SERPINA10: variants seen among roughly 807,000 people sequenced by gnomAD.
The protein encoded by SERPINA10 is serpin family A member 10.
A neutral mutation model predicts 28.0 loss-of-function variants in SERPINA10; 24 were observed. The ratio of observed to expected loss-of-function variants is 0.86; its 90% confidence interval spans 0.62 to 1.20. The LOEUF (loss-of-function observed/expected upper bound fraction) is 1.20, where lower values mean the gene tolerates loss of function less well. SERPINA10 is among the 50% of genes most tolerant of loss of function. The pLI, the probability that SERPINA10 is intolerant of heterozygous loss-of-function variation, is 0.00. For synonymous variants in SERPINA10, 207 were observed against 203.9 expected, an observed-to-expected ratio of 1.02 and a Z score of -0.13; for missense variants, 521 against 537.7, an observed-to-expected ratio of 0.97 and a Z score of 0.31.
chr14:94,290,057 G>A lies in SERPINA10; in HGVS notation c.537C>T (p.Phe179=), dbSNP rs758359566. 6.2e-7 allele frequency: 1 copy of A among 1,614,210 alleles called. No homozygotes were observed. The highest frequency in any genetic ancestry group is 8.5e-7 in the Non-Finnish European group (1 of 1,180,024). ...HKDFDVKETF[F]NLSKRYFDTE... ...TATCAAAATACCTCTTGGATAAATT[G>A]AAGAAAGTCTCTTTGACATCAAAAT... The change falls in exon 2 of 5, where the codon TTC becomes TTT. Residue 179 remains phenylalanine, a synonymous_variant. Coordinates refer to ENST00000261994, the MANE Select transcript of SERPINA10 (RefSeq NM_001100607.3).
At chr14:94,290,885 C>T (rs1244614104) in intron 1 of SERPINA10, among the ~76,000 whole-genome samples, 1 of 152,150 alleles carries the variant, frequency 6.6e-6, no homozygotes, top group Non-Finnish European at 1.5e-5. Context: ...TCAGTCCTGA[C>T]CCCGTTTTCA....
chr14:94,288,158 C>T, intron 3 of SERPINA10, 128 bp downstream of exon 3: 3 of 1,291,016 alleles, frequency 2.3e-6, no homozygotes, highest in Non-Finnish European at 3.3e-6. Context: ...ACAAATGCTG[C>T]CCTGCCTTCA....
intron 1 of SERPINA10, among the ~76,000 whole-genome samples, chr14:94,291,593 C>T (rs1895180110): frequency 6.6e-6 from 1 of 152,208 alleles, no homozygotes. Flanking sequence ...GGGCAGAACC[C>T]CTGGGACACC....
intron 3 of SERPINA10, among the ~76,000 whole-genome samples, chr14:94,286,776 ATTTTT>A (rs918382951): frequency 6.6e-6 from 1 of 152,160 alleles, no homozygotes; most frequent in Non-Finnish European, 1.5e-5. Context: ...TCAAAATAAA[ATTTTT>A]TTATTTATTT....
At position 94,280,998 on chromosome 14, in the gene SERPINA10, A is replaced by G. The variant is rs1894885156; in HGVS notation, c.*2967T>C. On this transcript the variant is annotated 3_prime_UTR_variant, in exon 5 of 5. Transcript: ENST00000261994. ...GATATATGAGAAATCTTTGAATTGAAATGAAACAGGCTCTTCAGCTGGAGT... is the reference window on the plus strand; with the variant it reads ...GATATATGAGAAATCTTTGAATTGAGATGAAACAGGCTCTTCAGCTGGAGT... The G allele has an allele frequency of 2.6e-5, 4 of 152,228 alleles. No individual in the cohort carries two copies. Among genetic ancestry groups the G allele is most frequent in the Admixed American group, 1.3e-4 (2 of 15,286 alleles). The allele number at this position is 152,228 out of a possible 1,614,324, so 9.4% of individuals were successfully genotyped here.
rs1202382071 is a variant in SERPINA10 at position 94,282,072 on chromosome 14, C to G, written c.*1893G>C. ...GAATTGCCTGTCCCTTCATAAGTGT[C>G]AATTAGTACTCTTGGAATGAATACA... is the stretch of plus-strand genomic sequence containing the variant. On this transcript the variant is annotated 3_prime_UTR_variant, in exon 5 of 5. Transcript: ENST00000261994. 6.6e-6 allele frequency: 1 copy of G among 152,298 alleles called. No individual in the cohort carries two copies. Among genetic ancestry groups the G allele is most frequent in the Non-Finnish European group, 1.5e-5 (1 of 67,984 alleles). 9.4% of individuals were successfully genotyped at this position (152,298 alleles called of 1,614,324 possible). A position where few individuals can be genotyped will look rare whatever the true frequency, so the allele number is the denominator to read the frequency against.
In SERPINA10 at chr14:94,290,623, T is replaced by G; in HGVS notation, c.-30A>C. ...TCGGCTGCGGAGGCCAAGGAGTGCC[T>G]CCCTTCAGCTGCAAGACTTCCTGTG... On this transcript the variant is annotated 5_prime_UTR_variant, in exon 2 of 5. Coordinates refer to ENST00000261994, the MANE Select transcript of SERPINA10 (RefSeq NM_001100607.3). 1 of 1,610,680 alleles carries G rather than the reference T, an allele frequency of 6.2e-7. No individual in the cohort carries two copies. The highest frequency in any genetic ancestry group is 8.5e-7 in the Non-Finnish European group (1 of 1,179,182).
intron 2 of SERPINA10, 116 bp from the exon 3 acceptor site, chr14:94,288,675 G>C: frequency 7.3e-7 from 1 of 1,377,306 alleles, no homozygotes; most frequent in Non-Finnish European, 1.0e-6. Context: ...TCGTCTTCTC[G>C]TTCCAACTAG....
At chr14:94,288,967 C>T (rs1159207995) in intron 2 of SERPINA10, among the ~76,000 whole-genome samples, 1 of 152,234 alleles carries the variant, frequency 6.6e-6, no homozygotes, top group Non-Finnish European at 1.5e-5. Flanking sequence ...GTCTCATTCA[C>T]ACCAGGCACA....
intron 3 of SERPINA10, 58 bp downstream of exon 3, chr14:94,288,228 T>C: frequency 6.2e-7 from 1 of 1,606,042 alleles, no homozygotes; most frequent in Non-Finnish European, 8.5e-7. Context: ...GAAATTGTGC[T>C]GAGCGTTTGC....
In SERPINA10 at chr14:94,284,121, C is replaced by G. The variant is rs375617298; in HGVS notation, c.1179G>C (p.Arg393Ser). 8.1e-6 allele frequency: 13 copies of G among 1,614,158 alleles called. No homozygotes were observed. The South Asian group carries it at 8.8e-5, about 11-fold the overall frequency. Residue 393 changes from arginine (R) to serine (S), a missense_variant, in exon 5 of 5, where the codon AGG becomes AGC. Physicochemically the swap from Arg to Ser is moderately radical, Grantham distance 110. Transcript: ENST00000261994. ...LQRTVIEVDERGTEAVAGILS... is the reference protein window; with the variant it reads ...LQRTVIEVDESGTEAVAGILS... ...AGATTCCTGCCACTGCCTCAGTGCC[C>G]CTTTCATCAACTTCAATCACTGTTC...
chr14:94,287,258 C>T, intron 3 of SERPINA10, among the ~76,000 whole-genome samples: 1 of 152,198 alleles, frequency 6.6e-6, no homozygotes, highest in East Asian at 1.9e-4. Flanking sequence ...ATAGATATTT[C>T]TGATCCAAGT....
chr14:94,289,939 T>G lies in SERPINA10; in HGVS notation c.655A>C (p.Lys219Gln). The change falls in exon 2 of 5, where the codon AAA becomes CAA. Residue 219 changes from lysine (K) to glutamine (Q), a missense_variant. Coordinates refer to ENST00000261994, the MANE Select transcript of SERPINA10 (RefSeq NM_001100607.3). ...TCAGGATTAATCTCATCAAACAGTT[T>G]GGGAATTTTCCCCCGAGTCTCTTTG... ...INKETRGKIP[K>Q]LFDEINPETK... 1 of 1,614,188 alleles carries G rather than the reference T, an allele frequency of 6.2e-7. No homozygotes were observed. Among genetic ancestry groups the G allele is most frequent in the Non-Finnish European group, 8.5e-7 (1 of 1,180,010 alleles).
Position 94,290,605 on chromosome 14 carries a change from C to T in SERPINA10, c.-12G>A, listed in dbSNP as rs201684309. 63 of 1,612,488 alleles carry T rather than the reference C, an allele frequency of 3.9e-5. No homozygotes were observed. Among genetic ancestry groups the T allele is most frequent in the South Asian group, 3.4e-4 (31 of 90,624 alleles). On this transcript the variant is annotated 5_prime_UTR_variant, in exon 2 of 5. Coordinates refer to ENST00000261994, the MANE Select transcript of SERPINA10 (RefSeq NM_001100607.3). The stretch of plus-strand genomic sequence containing the variant: ...GGCACCACCTTCATGTGATCGGCTG[C>T]GGAGGCCAAGGAGTGCCTCCCTTCA...
At position 94,282,217 on chromosome 14, in the gene SERPINA10, A is replaced by C. The variant is rs1894918822; in HGVS notation, c.*1748T>G. The C allele has an allele frequency of 6.6e-6, 1 of 152,028 alleles. No homozygotes were observed. The allele number at this position is 152,028 out of a possible 1,614,324, so 9.4% of individuals were successfully genotyped here. On this transcript the variant is annotated 3_prime_UTR_variant, in exon 5 of 5. Coordinates refer to ENST00000261994, the MANE Select transcript of SERPINA10 (RefSeq NM_001100607.3). ...ATTAATATTATTACCTATTCACATT[A>C]CTCTGAATTATATTAAACAACTAAT...
intron 2 of SERPINA10, among the ~76,000 whole-genome samples, chr14:94,288,879 C>T (rs191014133): frequency 1.3e-5 from 2 of 152,276 alleles, no homozygotes; most frequent in Non-Finnish European, 2.9e-5. Context: ...TGGACCTGAA[C>T]GGAATTCACA....
intron 2 of SERPINA10, among the ~76,000 whole-genome samples, chr14:94,289,574 T>C (rs1895108570): frequency 6.6e-6 from 1 of 150,820 alleles, no homozygotes; most frequent in Non-Finnish European, 1.5e-5. Context: ...CAATCCTAAA[T>C]CCCCCAGATA....
chr14:94,287,221 G>A (rs189638612), intron 3 of SERPINA10, among the ~76,000 whole-genome samples: 8 of 152,166 alleles, frequency 5.3e-5, no homozygotes, highest in South Asian at 2.1e-4. Context: ...TCCACCTGTC[G>A]TCTTGACATC....
intron 4 of SERPINA10, among the ~76,000 whole-genome samples, chr14:94,284,583 A>T (rs1205528389): frequency 1.3e-5 from 2 of 152,164 alleles, no homozygotes; most frequent in Non-Finnish European, 2.9e-5. Context: ...GGAGGCAGGG[A>T]ATGGCTAGTC....
Sources: gnomAD v4.1 joint callset for allele counts (sites outside exome capture counted in the v4.1 genomes callset) on GRCh38, gnomAD v4.1.1 for gene constraint, MANE v1.5 for transcripts, NCBI Gene and HGNC (gene_info 2026-07-23, HGNC 2026-07-21) for gene names.